The following PRDM16 variants were observed in gnomAD, a reference collection of about 807,000 sequenced individuals.
PRDM16 encodes the protein PR/SET domain 16.
A neutral mutation model predicts 110.6 loss-of-function variants in PRDM16; 23 were observed. That is an observed-to-expected ratio of 0.21 (90% CI 0.15 to 0.29). PRDM16 has a LOEUF of 0.29. Among genes scored for constraint, PRDM16 ranks in the 10% least tolerant of loss-of-function variants. The pLI, the probability that PRDM16 is intolerant of heterozygous loss-of-function variation, is 1.00. For missense variants in PRDM16, 1,615 were observed against 1,794.3 expected, an observed-to-expected ratio of 0.90 and a Z score of 1.81; for synonymous variants, 799 against 781.8, an observed-to-expected ratio of 1.02 and a Z score of -0.37.
At chr1:3,296,311 CAG>C (rs1360809387) in intron 3 of PRDM16, among the ~76,000 whole-genome samples, 1 of 152,246 alleles carries the variant, frequency 6.6e-6, no homozygotes, top group Admixed American at 6.5e-5. Flanking sequence ...GAGAGGTGCT[CAG>C]AGTCGTTATG....
chr1:3,233,716 G>A (rs1639472857), intron 2 of PRDM16, among the ~76,000 whole-genome samples: 1 of 152,152 alleles, frequency 6.6e-6, no homozygotes, highest in Admixed American at 6.5e-5. Context: ...ATAAACTAAT[G>A]ATGAATGAAG....
At chr1:3,342,858 G>C (rs973321992) in intron 3 of PRDM16, among the ~76,000 whole-genome samples, 3 of 152,302 alleles carry the variant, frequency 2.0e-5, no homozygotes, top group Non-Finnish European at 4.4e-5. Context: ...AGCATGCATG[G>C]TATGAATAGA....
chr1:3,136,424 G>T (rs892438172), intron 1 of PRDM16, among the ~76,000 whole-genome samples: 1 of 152,194 alleles, frequency 6.6e-6, no homozygotes, highest in South Asian at 2.1e-4. Flanking sequence ...GGCTGAGCTG[G>T]GGCTGGGACC....
At chr1:3,165,884 C>G (rs76747589) in intron 1 of PRDM16, among the ~76,000 whole-genome samples, 223 of 20,544 alleles carry the variant, frequency 0.011, 1 homozygote, top group Middle Eastern at 0.05. Flanking sequence ...AGGGCTCAGG[C>G]ACAGGGACTC....
At chr1:3,173,522 A>C (rs1481908876) in intron 1 of PRDM16, among the ~76,000 whole-genome samples, 1 of 152,214 alleles carries the variant, frequency 6.6e-6, no homozygotes, top group African/African-American at 2.4e-5. Context: ...TGAGGGCCAG[A>C]TTCAGCTCGG....
intron 10 of PRDM16, 125 bp from the exon 11 acceptor site, chr1:3,417,703 C>T (rs1638308074): frequency 1.2e-6 from 1 of 807,250 alleles, no homozygotes; most frequent in South Asian, 1.5e-5. Flanking sequence ...ACTAGGAGAC[C>T]ATTGCTTCCA....
intron 3 of PRDM16, among the ~76,000 whole-genome samples, chr1:3,276,461 G>A (rs1640584832): frequency 6.6e-6 from 1 of 152,254 alleles, no homozygotes; most frequent in African/African-American, 2.4e-5. Context: ...CCTCTGCTGT[G>A]GGAGCCTCTC....
At chr1:3,322,300 G>A (rs891828948) in intron 3 of PRDM16, among the ~76,000 whole-genome samples, 2 of 152,120 alleles carry the variant, frequency 1.3e-5, no homozygotes, top group Non-Finnish European at 2.9e-5. Context: ...CAGAGCGAGG[G>A]GAAACAGGCC....
chr1:3,149,455 G>A (rs1459025164), intron 1 of PRDM16, among the ~76,000 whole-genome samples: 4 of 152,168 alleles, frequency 2.6e-5, no homozygotes, highest in South Asian at 2.1e-4. Context: ...TGCTGTGGGT[G>A]CCTGCAGGCC....
intron 1 of PRDM16, among the ~76,000 whole-genome samples, chr1:3,181,348 G>GCA (rs1191705184): frequency 1.9e-4 from 4 of 20,554 alleles, no homozygotes; most frequent in Non-Finnish European, 2.8e-4. Flanking sequence ...TCTTACACAC[G>GCA]GTCTTACACA....
At chr1:3,237,570 G>T (rs1639566003) in intron 2 of PRDM16, among the ~76,000 whole-genome samples, 1 of 152,032 alleles carries the variant, frequency 6.6e-6, no homozygotes. Flanking sequence ...TAGACCAAAG[G>T]TGCTCAATAC....
chr1:3,393,283 C>G (rs1386127586), intron 4 of PRDM16, among the ~76,000 whole-genome samples: 1 of 152,186 alleles, frequency 6.6e-6, no homozygotes, highest in Admixed American at 6.5e-5. Flanking sequence ...AGCAAATATA[C>G]TGTTCTTCTT....
rs1431631272 is a variant in PRDM16 at position 3,339,947 on chromosome 1, A to G, written c.439-45205A>G. 6.6e-6 allele frequency among the ~76,000 whole-genome samples: 1 copy of G among 152,160 alleles called. No individual in the cohort carries two copies. Among genetic ancestry groups the G allele is most frequent in the African/African-American group, 2.4e-5 (1 of 41,446 alleles). ...CACCAGGCAAGTGGGGCTGGGGGGA[A>G]CAGGTGTGCCATCCCCCGAGCGTGC... is the stretch of plus-strand genomic sequence containing the variant. On this transcript the variant is annotated intron_variant, in intron 3 of 16. Transcript: ENST00000270722. This position sits in a 1 kb window ranked among gnomAD's most constrained non-coding sequence, Gnocchi z 5.0.
chr1:3,089,471 G>A (rs977096652), intron 1 of PRDM16, among the ~76,000 whole-genome samples: 3 of 152,272 alleles, frequency 2.0e-5, no homozygotes, highest in South Asian at 2.1e-4. Flanking sequence ...GCGGAAGCGG[G>A]TGGAAACTTC....
chr1:3,426,294 GGA>G, intron 14 of PRDM16, 69 bp downstream of exon 14: 2 of 1,352,990 alleles, frequency 1.5e-6, no homozygotes, highest in South Asian at 2.6e-5. Context: ...CACCCTCAGA[GGA>G]CATGCACCTC....
At position 3,069,229 on chromosome 1, in the gene PRDM16, G is replaced by A; in HGVS notation, c.-31G>A. ...GTGTGTGGCTGCTTCTGGACTCAAG[G>A]AGGAGGAGAGAGATTCCGCGAGCCG... is the stretch of plus-strand genomic sequence containing the variant. On this transcript the variant is annotated 5_prime_UTR_variant, in exon 1 of 17. Transcript: ENST00000270722. The surrounding 1 kb of genome is among the most constrained non-coding windows in gnomAD (Gnocchi z 6.1). 6.3e-7 allele frequency: 1 copy of A among 1,575,018 alleles called. No homozygotes were observed. Among genetic ancestry groups the A allele is most frequent in the Non-Finnish European group, 8.6e-7 (1 of 1,159,744 alleles).
At chr1:3,423,503 C>T (rs1013146240) in intron 12 of PRDM16, among the ~76,000 whole-genome samples, 2 of 152,138 alleles carry the variant, frequency 1.3e-5, no homozygotes, top group Admixed American at 6.5e-5. Context: ...CCGAGAAGGC[C>T]GAGCCACACA....
At chr1:3,217,559 G>A (rs373543301) in intron 2 of PRDM16, among the ~76,000 whole-genome samples, 25 of 152,168 alleles carry the variant, frequency 1.6e-4, no homozygotes, top group Non-Finnish European at 2.6e-4. Context: ...GGCCTCTGTC[G>A]AGCTTGGCAG....
chr1:3,198,300 C>T (rs779676875), intron 2 of PRDM16, among the ~76,000 whole-genome samples: 7 of 152,234 alleles, frequency 4.6e-5, no homozygotes, highest in Non-Finnish European at 1.0e-4. Context: ...TTAGAGAAGG[C>T]CCTTTGGAGA....
Sources: allele counts gnomAD v4.1 joint callset (sites outside exome capture counted in the v4.1 genomes callset), GRCh38; gene constraint gnomAD v4.1.1; non-coding constraint Gnocchi (gnomAD v3.1); transcripts MANE v1.5; gene names NCBI Gene and HGNC (gene_info 2026-07-23, HGNC 2026-07-21).